Variants in PRAM1 observed in about 807,000 individuals in gnomAD.
The protein encoded by PRAM1 is PML-RARA-regulated adapter molecule 1.
A neutral mutation model predicts 55.3 loss-of-function variants in PRAM1; 41 were observed. The observed-to-expected ratio is 0.74, with a 90% CI of 0.58 to 0.96. The LOEUF (loss-of-function observed/expected upper bound fraction) is 0.96. Among genes scored for constraint, PRAM1 ranks in the 40% least tolerant of loss-of-function variants. The pLI is 0.00. For missense variants in PRAM1, 898 were observed against 892.7 expected, an observed-to-expected ratio of 1.01 and a Z score of -0.08; for synonymous variants, 401 against 387.1, an observed-to-expected ratio of 1.04 and a Z score of -0.42.
Position 8,497,848 on chromosome 19 carries a change from G to A in PRAM1, c.1500-8C>T, listed in dbSNP as rs779225313. On this transcript the variant is annotated splice_polypyrimidine_tract_variant and splice_region_variant and intron_variant, in intron 3 of 9. Transcript: ENST00000423345. The stretch of plus-strand genomic sequence containing the variant: ...TAGATCTCATCTGGGACCCTGCGGG[G>A]ATACCTGAGATGAGGCCTCTTCTTT... 5 of 1,404,592 alleles carry A rather than the reference G, an allele frequency of 3.6e-6. No individual in the cohort carries two copies. The highest frequency in any genetic ancestry group is 3.0e-5 in the African/African-American group (2 of 67,780). 87.0% of individuals were successfully genotyped at this position (1,404,592 alleles called of 1,614,324 possible).
chr19:8,490,324 G>T lies in PRAM1; in HGVS notation c.1975+14C>A. The T allele has an allele frequency of 6.2e-7, 1 of 1,613,978 alleles. No individual in the cohort carries two copies. Among genetic ancestry groups the T allele is most frequent in the Non-Finnish European group, 8.5e-7 (1 of 1,179,886 alleles). On this transcript the variant is annotated intron_variant, in intron 9 of 9. Transcript: ENST00000423345. The surrounding 1 kb of genome is among the most constrained non-coding windows in gnomAD (Gnocchi z 7.3). The stretch of plus-strand genomic sequence containing the variant: ...CGCCAGGGTCCCTCCAGCCCTCCCA[G>T]AGTGTCCACGTACCGCAGAAGTCGA...
rs563132097 is a variant in PRAM1 at position 8,493,840 on chromosome 19, C to T, written c.1577-2683G>A. Among the ~76,000 whole-genome samples, 1 of 152,128 alleles carries T rather than the reference C, an allele frequency of 6.6e-6. No homozygotes were observed. The highest frequency in any genetic ancestry group is 1.9e-4 in the East Asian group (1 of 5,180). The stretch of plus-strand genomic sequence containing the variant: ...TGAGACAGGGTCTCGTTCTGTTGCC[C>T]AGGCTGGAGTGCAGAGGTGCAATCT... On this transcript the variant is annotated intron_variant, in intron 4 of 9. Transcript: ENST00000423345. This position sits in a 1 kb window ranked among gnomAD's most constrained non-coding sequence, Gnocchi z 4.1.
At chr19:8,496,943 A>G (rs1342470529) in intron 4 of PRAM1, among the ~76,000 whole-genome samples, 11 of 151,902 alleles carry the variant, frequency 7.2e-5, no homozygotes, top group Admixed American at 6.6e-4. Flanking sequence ...GGAGAATGGC[A>G]TGAACCCGGG....
rs757707800 is a variant in PRAM1 at position 8,499,658 on chromosome 19, A to G, written c.150T>C (p.Pro50=). Residue 50 remains proline, a synonymous_variant, in exon 2 of 10, where the codon CCT becomes CCC. Transcript: ENST00000423345. ...EFGKLKKFSQ[P]ELSEHPKKAP... ...CCTTCTTGGGGTGCTCGCTTAGCTCAGGCTGGGAGAACTTCTTCAGTTTAC... is the reference window on the plus strand; with the variant it reads ...CCTTCTTGGGGTGCTCGCTTAGCTCGGGCTGGGAGAACTTCTTCAGTTTAC... 36 of 1,613,704 alleles carry G rather than the reference A, an allele frequency of 2.2e-5. No homozygotes were observed. Among genetic ancestry groups the G allele is most frequent in the Non-Finnish European group, 2.9e-5 (34 of 1,179,818 alleles).
chr19:8,500,230 C>T (rs1381714622), intron 1 of PRAM1, among the ~76,000 whole-genome samples: 1 of 150,548 alleles, frequency 6.6e-6, no homozygotes, highest in East Asian at 2.0e-4. Flanking sequence ...ACCTCGGCCT[C>T]CCCAGTAGCT....
chr19:8,498,024 G>C (rs1971724620), intron 3 of PRAM1, among the ~76,000 whole-genome samples, 184 bp from the exon 4 acceptor site: 2 of 151,850 alleles, frequency 1.3e-5, no homozygotes, highest in Admixed American at 6.6e-5. Flanking sequence ...TGGGATTACA[G>C]GTGCCCCCCA....
chr19:8,501,749 C>T (rs550290593), intron 1 of PRAM1, among the ~76,000 whole-genome samples: 5 of 152,098 alleles, frequency 3.3e-5, no homozygotes, highest in African/African-American at 9.7e-5. Context: ...CCTCTCACAC[C>T]GTCTCTGACA....
chr19:8,490,779 C>T lies in PRAM1; in HGVS notation c.1744-23G>A. On this transcript the variant is annotated intron_variant, in intron 6 of 9. Coordinates refer to ENST00000423345, the MANE Select transcript of PRAM1 (RefSeq NM_032152.5). The surrounding 1 kb of genome is among the most constrained non-coding windows in gnomAD (Gnocchi z 7.3). Reference sequence around the variant, plus strand: ...AAACTGGGGCGCGAGATGTTAGGGCCTCTGCTTGTGCTGCCGCCCTTGGGC... The same window carrying T: ...AAACTGGGGCGCGAGATGTTAGGGCTTCTGCTTGTGCTGCCGCCCTTGGGC... The T allele has an allele frequency of 6.2e-7, 1 of 1,607,224 alleles. No homozygotes were observed. Among genetic ancestry groups the T allele is most frequent in the South Asian group, 1.1e-5 (1 of 91,068 alleles).
chr19:8,497,940 G>T, intron 3 of PRAM1, 100 bp from the exon 4 acceptor site: 2 of 905,000 alleles, frequency 2.2e-6, no homozygotes, highest in Non-Finnish European at 3.3e-6. Flanking sequence ...TGGTGCAGGG[G>T]CATGATCTCG....
chr19:8,499,395 G>T lies in PRAM1; in HGVS notation c.413C>A (p.Pro138Gln), dbSNP rs569934245. The T allele has an allele frequency of 6.2e-7, 1 of 1,612,676 alleles. No individual in the cohort carries two copies. Among genetic ancestry groups the T allele is most frequent in the African/African-American group, 1.3e-5 (1 of 74,844 alleles). The stretch of plus-strand genomic sequence containing the variant: ...AGGCTGCAGGGGCTTCCTTGGAAAC[G>T]GAGTGGCCCCCAGCTGTGGGAACTT... ...SKKFPQLGAT[P>Q]FPRKPLQPEV... The change falls in exon 2 of 10, where the codon CCG becomes CAG. Residue 138 changes from proline to glutamine, a missense_variant. Transcript: ENST00000423345.
chr19:8,499,828 G>A (rs1044779827), intron 1 of PRAM1, 48 bp from the exon 2 acceptor site: 5 of 1,476,560 alleles, frequency 3.4e-6, no homozygotes, highest in African/African-American at 1.4e-5. Context: ...ACACAGAAGG[G>A]GCATGGAAGG....
chr19:8,492,378 T>G (rs1006547878), intron 4 of PRAM1, among the ~76,000 whole-genome samples: 2 of 152,030 alleles, frequency 1.3e-5, no homozygotes, highest in Non-Finnish European at 2.9e-5. Flanking sequence ...TGCCTCAGCA[T>G]CCTGAGTAGC....
chr19:8,493,240 C>T lies in PRAM1; in HGVS notation c.1577-2083G>A, dbSNP rs1030949762. Among the ~76,000 whole-genome samples, 7 of 152,134 alleles carry T rather than the reference C, an allele frequency of 4.6e-5. No individual in the cohort carries two copies. Among genetic ancestry groups the T allele is most frequent in the Admixed American group, 1.3e-4 (2 of 15,252 alleles). On this transcript the variant is annotated intron_variant, in intron 4 of 9. Transcript: ENST00000423345. The surrounding 1 kb of genome is among the most constrained non-coding windows in gnomAD (Gnocchi z 4.1). ...ACCCAGAGCCCCAGCATGTCCTTTC[C>T]GAATGGCTCAAAGTATCCCGCCGGA...
At chr19:8,502,074 C>T (rs967364279) in intron 1 of PRAM1, among the ~76,000 whole-genome samples, 1 of 152,198 alleles carries the variant, frequency 6.6e-6, no homozygotes, top group African/African-American at 2.4e-5. Context: ...CTTGGAAAGG[C>T]AGCAATTCCC....
intron 4 of PRAM1, among the ~76,000 whole-genome samples, chr19:8,492,816 G>A (rs150820875): frequency 6.6e-6 from 1 of 152,092 alleles, no homozygotes; most frequent in African/African-American, 2.4e-5. Context: ...GGCCAACATG[G>A]TGAAACCCTG....
Position 8,498,815 on chromosome 19 carries a change from C to T in PRAM1, c.993G>A (p.Arg331=), listed in dbSNP as rs1365420767. 2 of 1,589,324 alleles carry T rather than the reference C, an allele frequency of 1.3e-6. No homozygotes were observed. The highest frequency in any genetic ancestry group is 2.3e-5 in the South Asian group (2 of 88,146). ...PPQPELGGLP[R]TSSEPEFNSL... is the part of the protein sequence containing the mutation. The stretch of plus-strand genomic sequence containing the variant: ...AGTTGAACTCGGGCTCTGAGGAGGT[C>T]CTGGGGAGGCCGCCCAGCTCGGGCT... Residue 331 remains arginine, a synonymous_variant, in exon 2 of 10, where the codon AGG becomes AGA. Coordinates refer to ENST00000423345, the MANE Select transcript of PRAM1 (RefSeq NM_032152.5).
At position 8,496,220 on chromosome 19, in the gene PRAM1, C is replaced by T. The variant is rs190910726; in HGVS notation, c.1576+1544G>A. The stretch of plus-strand genomic sequence containing the variant: ...CACGAGGTCAGGAGTTCAAGGCCAG[C>T]CTGGCCAATGTAGTGAAACCCCAGC... On this transcript the variant is annotated intron_variant, in intron 4 of 9. Coordinates refer to ENST00000423345, the MANE Select transcript of PRAM1 (RefSeq NM_032152.5). 7.1e-5 allele frequency: 29 copies of T among 406,226 alleles called. No individual in the cohort carries two copies. In the East Asian group the frequency reaches 2.3e-3, roughly 32 times the overall value. The allele number at this position is 406,226 out of a possible 1,614,324, so 25.2% of individuals were successfully genotyped here.
Position 8,490,542 on chromosome 19 carries a change from G to A in PRAM1, c.1907-33C>T, listed in dbSNP as rs1423456019. 2 of 1,604,510 alleles carry A rather than the reference G, an allele frequency of 1.2e-6. No individual in the cohort carries two copies. Among genetic ancestry groups the A allele is most frequent in the South Asian group, 1.1e-5 (1 of 89,838 alleles). ...GAGAGTGGGCATGGTGGGTTCTGAGGCCCAGGGTGGCGGCGGGGACCTCCC... is the reference window on the plus strand; with the variant it reads ...GAGAGTGGGCATGGTGGGTTCTGAGACCCAGGGTGGCGGCGGGGACCTCCC... On this transcript the variant is annotated intron_variant, in intron 7 of 9. Transcript: ENST00000423345. This position sits in a 1 kb window ranked among gnomAD's most constrained non-coding sequence, Gnocchi z 7.3.
Position 8,490,586 on chromosome 19 carries a change from G to T in PRAM1, c.1906+8C>A, listed in dbSNP as rs565326104. On this transcript the variant is annotated splice_region_variant and intron_variant, in intron 7 of 9. Transcript: ENST00000423345. This position sits in a 1 kb window ranked among gnomAD's most constrained non-coding sequence, Gnocchi z 7.3. ...ACCTCCCGGGGCTGCGGGGCCGGGC[G>T]CACTCACATTTGCCTTTGGGGTCCC... is the stretch of plus-strand genomic sequence containing the variant. 12 of 1,586,900 alleles carry T rather than the reference G, an allele frequency of 7.6e-6. No individual in the cohort carries two copies. The highest frequency in any genetic ancestry group is 1.0e-5 in the Non-Finnish European group (12 of 1,166,782).
Sources: allele counts gnomAD v4.1 joint callset (sites outside exome capture counted in the v4.1 genomes callset), GRCh38; gene constraint gnomAD v4.1.1; non-coding constraint Gnocchi (gnomAD v3.1); transcripts MANE v1.5; gene names NCBI Gene and HGNC (gene_info 2026-07-23, HGNC 2026-07-21).